Variants in BNC2 observed in about 807,000 individuals in gnomAD.
BNC2 encodes zinc finger protein basonuclin-2.
Under a neutral mutation model 76.3 loss-of-function variants are expected in BNC2, and 20 were observed. The observed-to-expected ratio is 0.26, with a 90% CI of 0.18 to 0.38. BNC2 has a LOEUF of 0.38. Among genes scored for constraint, BNC2 ranks in the 10% least tolerant of loss-of-function variants. BNC2 has a pLI of 1.00. For missense variants in BNC2, 1,382 were observed against 1,399.8 expected (o/e 0.99, Z 0.20); for synonymous variants, 582 against 514.8 (o/e 1.13, Z -1.77).
chr9:16,720,021 T>C (rs1824102694), intron 3 of BNC2, among the ~76,000 whole-genome samples: 2 of 152,358 alleles, frequency 1.3e-5, no homozygotes, highest in Non-Finnish European at 2.9e-5. Flanking sequence ...AACTAAGTAC[T>C]TTCTTATACA....
intron 6 of BNC2, among the ~76,000 whole-genome samples, chr9:16,425,248 C>G (rs146252109): frequency 6.6e-6 from 1 of 152,148 alleles, no homozygotes; most frequent in East Asian, 1.9e-4. Context: ...AAGCTCCTAC[C>G]AAACTCTTTA....
intron 1 of BNC2, among the ~76,000 whole-genome samples, chr9:16,750,471 T>G (rs967382633): frequency 6.6e-6 from 1 of 152,214 alleles, no homozygotes; most frequent in Non-Finnish European, 1.5e-5. Context: ...TGCCTTGCAT[T>G]ACGGAGATGT....
chr9:16,516,569 T>A (rs1166928490), intron 5 of BNC2, among the ~76,000 whole-genome samples: 3 of 152,158 alleles, frequency 2.0e-5, no homozygotes, highest in Non-Finnish European at 2.9e-5. Flanking sequence ...GAGTCTTTAT[T>A]TCTATCCCAA....
At chr9:16,806,426 G>C (rs1305471912) in intron 1 of BNC2, among the ~76,000 whole-genome samples, 4 of 152,152 alleles carry the variant, frequency 2.6e-5, no homozygotes, top group African/African-American at 9.7e-5. Context: ...CAGAGGAACG[G>C]AGTGCTATTT....
chr9:16,652,892 C>T (rs147606635), intron 3 of BNC2, among the ~76,000 whole-genome samples: 2 of 152,184 alleles, frequency 1.3e-5, no homozygotes, highest in East Asian at 3.9e-4. Flanking sequence ...TCTGGCAAAC[C>T]GAAGTCTTGA....
chr9:16,870,272 C>A (rs1341604175), intron 1 of BNC2, among the ~76,000 whole-genome samples: 1 of 152,170 alleles, frequency 6.6e-6, no homozygotes, highest in African/African-American at 2.4e-5. Flanking sequence ...CTCCATTCAT[C>A]CCCCACTCCC....
At chr9:16,742,978 G>A (rs570322759) in intron 1 of BNC2, among the ~76,000 whole-genome samples, 5 of 152,306 alleles carry the variant, frequency 3.3e-5, no homozygotes, top group East Asian at 1.9e-4. Context: ...CTGTCAGAAG[G>A]AAGCATGGAC....
At chr9:16,515,857 A>C (rs1822865447) in intron 5 of BNC2, among the ~76,000 whole-genome samples, 1 of 151,984 alleles carries the variant, frequency 6.6e-6, no homozygotes, top group Admixed American at 6.5e-5. Flanking sequence ...ATGTTCTAAG[A>C]AATTCAGAAA....
chr9:16,858,452 G>A (rs1563974267), intron 1 of BNC2, among the ~76,000 whole-genome samples: 2 of 152,154 alleles, frequency 1.3e-5, no homozygotes, highest in African/African-American at 2.4e-5. Flanking sequence ...CTTTTTTAAT[G>A]TAGCCTTTAC....
At chr9:16,792,817 T>C (rs951836437) in intron 1 of BNC2, among the ~76,000 whole-genome samples, 2 of 152,324 alleles carry the variant, frequency 1.3e-5, no homozygotes, top group East Asian at 1.9e-4. Flanking sequence ...GTTAATAACA[T>C]TGTTTGCTGA....
chr9:16,414,649 G>A lies in BNC2; in HGVS notation c.*4340C>T, dbSNP rs895736966. 1 of 152,178 alleles carries A rather than the reference G, an allele frequency of 6.6e-6. No homozygotes were observed. Among genetic ancestry groups the A allele is most frequent in the Non-Finnish European group, 1.5e-5 (1 of 68,032 alleles). The allele number at this position is 152,178 out of a possible 1,614,324, so 9.4% of individuals were successfully genotyped here. On this transcript the variant is annotated 3_prime_UTR_variant, in exon 7 of 7. Coordinates refer to ENST00000380672, the MANE Select transcript of BNC2 (RefSeq NM_017637.6). ...CAGGTGAATTTTATTTACTCTGTTA[G>A]TCAATCTAACCCAATGCTAACAGAC...
At chr9:16,677,214 T>C (rs1314948634) in intron 3 of BNC2, among the ~76,000 whole-genome samples, 6 of 152,156 alleles carry the variant, frequency 3.9e-5, no homozygotes, top group Admixed American at 3.3e-4. Flanking sequence ...TCCGACAGTG[T>C]CAAGAGATAG....
At position 16,436,560 on chromosome 9, in the gene BNC2, G is replaced by T; in HGVS notation, c.1634C>A (p.Pro545His). The change falls in exon 6 of 7, where the codon CCT becomes CAT. Residue 545 changes from proline (P) to histidine (H), a missense_variant. Pro to His is a moderately conservative substitution (Grantham distance 77, BLOSUM62 -2). Around this residue, in one of 3 missense-constraint regions of BNC2, gnomAD observed 798 missense variants for 775.5 expected, o/e 1.03. Coordinates refer to ENST00000380672, the MANE Select transcript of BNC2 (RefSeq NM_017637.6). ...GRPPMGFTTP[P>H]LDPVLQNPLP... The stretch of plus-strand genomic sequence containing the variant: ...AGGATTTTGCAAGACAGGGTCTAGA[G>T]GGGGAGTGGTAAAACCCATTGGGGG... The T allele has an allele frequency of 6.2e-7, 1 of 1,614,126 alleles. No homozygotes were observed. The highest frequency in any genetic ancestry group is 8.5e-7 in the Non-Finnish European group (1 of 1,180,018).
chr9:16,738,206 C>CAAAT (rs1470104748), intron 2 of BNC2, among the ~76,000 whole-genome samples, 154 bp downstream of exon 2: 1 of 151,846 alleles, frequency 6.6e-6, no homozygotes, highest in East Asian at 1.9e-4. Flanking sequence ...TGTTAGGAAG[C>CAAAT]AAATAAATAC....
intron 1 of BNC2, among the ~76,000 whole-genome samples, chr9:16,847,719 A>G (rs1563969756): frequency 6.6e-6 from 1 of 152,226 alleles, no homozygotes; most frequent in African/African-American, 2.4e-5. Flanking sequence ...GAATAAATCC[A>G]CAAGTAAATC....
intron 5 of BNC2, among the ~76,000 whole-genome samples, chr9:16,525,134 GATA>G (rs1817758121): frequency 1.7e-5 from 2 of 116,254 alleles, no homozygotes; most frequent in Admixed American, 8.5e-5. Flanking sequence ...AATACTAGTA[GATA>G]ACATTGATAA....
rs576587957 is a variant in BNC2 at position 16,809,545 on chromosome 9, C to A, written c.3+61101G>T. On this transcript the variant is annotated intron_variant, in intron 1 of 6. Coordinates refer to ENST00000380672, the MANE Select transcript of BNC2 (RefSeq NM_017637.6). ...AATAGGTCAAACGAGGGTGTACCTGCTGAATTCCCTTCCTAAAAACTCAAT... is the reference window on the plus strand; with the variant it reads ...AATAGGTCAAACGAGGGTGTACCTGATGAATTCCCTTCCTAAAAACTCAAT... 1.7e-4 allele frequency among the ~76,000 whole-genome samples: 26 copies of A among 152,256 alleles called. No individual in the cohort carries two copies. The South Asian group carries it at 5.4e-3, about 32-fold the overall frequency.
chr9:16,672,451 C>A (rs1337823170), intron 3 of BNC2, among the ~76,000 whole-genome samples: 1 of 152,028 alleles, frequency 6.6e-6, no homozygotes, highest in East Asian at 1.9e-4. Context: ...GAGCAGAGAT[C>A]GTGCCACTGC....
intron 1 of BNC2, among the ~76,000 whole-genome samples, chr9:16,765,071 G>C (rs1016517954): frequency 2.6e-5 from 4 of 152,174 alleles, no homozygotes; most frequent in African/African-American, 7.2e-5. Flanking sequence ...ACTCTTTAGA[G>C]TCAGACAAGG....
Sources: allele counts gnomAD v4.1 joint callset (sites outside exome capture counted in the v4.1 genomes callset), GRCh38; gene constraint gnomAD v4.1.1; regional missense constraint gnomAD v4.1.1; transcripts MANE v1.5; gene names NCBI Gene and HGNC (gene_info 2026-07-23, HGNC 2026-07-21).